Variants in FDFT1 observed in about 807,000 individuals in gnomAD.
FDFT1 encodes squalene synthase.
FDFT1 carries 68 observed loss-of-function variants against 46.8 expected under a neutral mutation model. That is an observed-to-expected ratio of 1.45 (90% CI 1.19 to 1.78). The LOEUF (loss-of-function observed/expected upper bound fraction) is 1.78. Among genes scored for constraint, FDFT1 ranks in the 40% most tolerant of loss-of-function variants. The pLI is 0.00. For missense variants in FDFT1, 928 were observed against 524.4 expected (o/e 1.77, Z -7.52); for synonymous variants, 351 against 185.1 (o/e 1.90, Z -7.28).
chr8:11,815,130 G>A lies in FDFT1; in HGVS notation c.381+5280G>A, dbSNP rs115717839. 6.1e-3 allele frequency among the ~76,000 whole-genome samples: 925 copies of A among 152,176 alleles called. 4 individuals are homozygous for A. The highest frequency in any genetic ancestry group is 0.024 in the Middle Eastern group (7 of 294). ...GAGAACATGTAGTGTTTGGTTTTCTGTCGTTGTGATACTTTGCTCAGAATG... is the reference window on the plus strand; with the variant it reads ...GAGAACATGTAGTGTTTGGTTTTCTATCGTTGTGATACTTTGCTCAGAATG... On this transcript the variant is annotated intron_variant, in intron 3 of 7. Coordinates refer to ENST00000220584, the MANE Select transcript of FDFT1 (RefSeq NM_004462.5).
At chr8:11,822,015 G>A (rs567142937) in intron 4 of FDFT1, 137 bp downstream of exon 4, 19 of 997,074 alleles carry the variant, frequency 1.9e-5, no homozygotes, top group Admixed American at 5.0e-5. Context: ...TAGGTTGAAT[G>A]TCTCATCATA....
At chr8:11,819,155 T>C (rs1321310897) in intron 3 of FDFT1, among the ~76,000 whole-genome samples, 1 of 152,200 alleles carries the variant, frequency 6.6e-6, no homozygotes, top group Non-Finnish European at 1.5e-5. Flanking sequence ...GAAAATTCTT[T>C]AAGAATGCTG....
chr8:11,836,932 C>T (rs1811618766), intron 7 of FDFT1, among the ~76,000 whole-genome samples: 2 of 152,222 alleles, frequency 1.3e-5, no homozygotes, highest in African/African-American at 4.8e-5. Context: ...CAGGGCTAGG[C>T]TGGAGATAAA....
At position 11,838,615 on chromosome 8, in the gene FDFT1, A is replaced by G. The variant is rs1811895647; in HGVS notation, c.*6A>G. 1 of 1,605,088 alleles carries G rather than the reference A, an allele frequency of 6.2e-7. No individual in the cohort carries two copies. On this transcript the variant is annotated 3_prime_UTR_variant, in exon 8 of 8. Transcript: ENST00000220584. ...TTCAGACTGGAGAACACTGATCCCA[A>G]ATTTGTCCATAGCTGAAGTCCACCA...
upstream of FDFT1, among the ~76,000 whole-genome samples, chr8:11,799,813 G>T (rs140473391): frequency 1.2e-3 from 189 of 152,124 alleles, no homozygotes; most frequent in African/African-American, 4.5e-3. Context: ...GGCCGTGGTG[G>T]TACATGCCTG....
At chr8:11,827,719 A>G (rs989930286) in intron 5 of FDFT1, among the ~76,000 whole-genome samples, 1 of 152,172 alleles carries the variant, frequency 6.6e-6, no homozygotes, top group African/African-American at 2.4e-5. Context: ...AAAGATGCTG[A>G]GTCTTACTCC....
chr8:11,805,536 T>G (rs1008235907), intron 1 of FDFT1, among the ~76,000 whole-genome samples: 1 of 152,194 alleles, frequency 6.6e-6, no homozygotes, highest in African/African-American at 2.4e-5. Flanking sequence ...TTAAGTTAGG[T>G]GAACAACCTT....
intron 3 of FDFT1, among the ~76,000 whole-genome samples, chr8:11,811,794 C>T (rs183365315): frequency 2.6e-5 from 4 of 152,270 alleles, no homozygotes; most frequent in East Asian, 1.9e-4. Context: ...TGTATCCTTA[C>T]GAATATGAAG....
chr8:11,820,796 G>C (rs751429292), intron 3 of FDFT1, among the ~76,000 whole-genome samples: 52 of 152,212 alleles, frequency 3.4e-4, no homozygotes, highest in Non-Finnish European at 5.9e-4. Context: ...GGCTAGGAAA[G>C]GGAAATCCCC....
intron 4 of FDFT1, among the ~76,000 whole-genome samples, chr8:11,823,850 C>T (rs776626934): frequency 1.4e-4 from 22 of 152,116 alleles, no homozygotes; most frequent in African/African-American, 4.6e-4. Flanking sequence ...CTCAAGCAGT[C>T]CTCTCACCTC....
chr8:11,798,397 T>C (rs897919616), upstream of FDFT1, among the ~76,000 whole-genome samples: 16 of 152,140 alleles, frequency 1.1e-4, no homozygotes, highest in African/African-American at 3.6e-4. Context: ...ACCTGCCATA[T>C]GGGAAAGGAC....
At chr8:11,802,527 C>G (rs1806249456), upstream of FDFT1, 1 of 540,692 alleles carries the variant, frequency 1.8e-6, no homozygotes. Flanking sequence ...TTCTCGGCCT[C>G]CAATGAGCTT....
At chr8:11,808,345 G>A (rs914072696) in intron 1 of FDFT1, 22 of 1,233,034 alleles carry the variant, frequency 1.8e-5, no homozygotes, top group Non-Finnish European at 1.7e-5. Flanking sequence ...GGGAGGAGGC[G>A]CCGGTGCGGA....
intron 4 of FDFT1, among the ~76,000 whole-genome samples, chr8:11,822,769 T>A (rs528988370): frequency 6.6e-6 from 1 of 152,164 alleles, no homozygotes; most frequent in African/African-American, 2.4e-5. Flanking sequence ...TGAGCCATGA[T>A]TGTGCCACTG....
At chr8:11,816,217 A>G (rs1183477929) in intron 3 of FDFT1, among the ~76,000 whole-genome samples, 1 of 152,156 alleles carries the variant, frequency 6.6e-6, no homozygotes, top group African/African-American at 2.4e-5. Flanking sequence ...GTTCCGTTCC[A>G]TTGGTGTACA....
chr8:11,824,026 AGC>A (rs1262953294), intron 4 of FDFT1, among the ~76,000 whole-genome samples: 2,050 of 152,086 alleles, frequency 0.013, 46 homozygotes, highest in African/African-American at 0.046. Flanking sequence ...CACTACACTC[AGC>A]CTTTTAAAAT....
At chr8:11,803,663 C>G (rs780283723) in intron 1 of FDFT1, 2 of 402,468 alleles carry the variant, frequency 5.0e-6, no homozygotes, top group East Asian at 9.1e-5. Context: ...CCAAGTTCTT[C>G]TGGTCTGGAC....
chr8:11,806,648 A>T (rs971937692), intron 1 of FDFT1, among the ~76,000 whole-genome samples: 1 of 152,154 alleles, frequency 6.6e-6, no homozygotes, highest in African/African-American at 2.4e-5. Flanking sequence ...TGGACTGAAC[A>T]TGACATTTGG....
intron 7 of FDFT1, 101 bp downstream of exon 7, chr8:11,831,771 C>T: frequency 1.0e-6 from 1 of 999,676 alleles, no homozygotes; most frequent in Non-Finnish European, 1.6e-6. Flanking sequence ...CCTAACAATT[C>T]ACTATCCTGT....
Sources: allele counts gnomAD v4.1 joint callset (sites outside exome capture counted in the v4.1 genomes callset), GRCh38; gene constraint gnomAD v4.1.1; transcripts MANE v1.5; gene names NCBI Gene and HGNC (gene_info 2026-07-23, HGNC 2026-07-21).